MTOR: variants seen among roughly 807,000 people sequenced by gnomAD.
MTOR encodes the protein mechanistic target of rapamycin kinase, also known as serine/threonine-protein kinase mTOR.
Under a neutral mutation model 319.8 loss-of-function variants are expected in MTOR, and 70 were observed. That is an observed-to-expected ratio of 0.22 (90% confidence interval 0.18 to 0.27). The LOEUF (loss-of-function observed/expected upper bound fraction) is 0.27. MTOR is among the 10% of genes least tolerant of loss of function. The pLI, the probability that MTOR is intolerant of heterozygous loss-of-function variation, is 1.00. For missense variants in MTOR, 1,890 were observed against 3,274.4 expected (o/e 0.58, Z 10.32); for synonymous variants, 1,183 against 1,211.4 (o/e 0.98, Z 0.49).
intron 49 of MTOR, among the ~76,000 whole-genome samples, chr1:11,117,795 T>G (rs1486748531): frequency 2.0e-5 from 3 of 151,972 alleles, no homozygotes; most frequent in Non-Finnish European, 4.4e-5. Context: ...AATTTAGTGT[T>G]TAGGCTGGGC....
At position 11,234,125 on chromosome 1, in the gene MTOR, C is replaced by T. The variant is rs775942778; in HGVS notation, c.2331+18G>A. On this transcript the variant is annotated intron_variant, in intron 14 of 57. Transcript: ENST00000361445. ...TGACAACGCACAGAGAAAGCACCAG[C>T]CTCTCGGTTTGTGTTACCTTCAGAA... 1.2e-6 allele frequency: 2 copies of T among 1,614,088 alleles called. No individual in the cohort carries two copies. The highest frequency in any genetic ancestry group is 1.1e-5 in the South Asian group (1 of 91,086).
At position 11,233,408 on chromosome 1, in the gene MTOR, T is replaced by C; in HGVS notation, c.2411A>G (p.Glu804Gly). 6.2e-7 allele frequency: 1 copy of C among 1,614,000 alleles called. No homozygotes were observed. Among genetic ancestry groups the C allele is most frequent in the Non-Finnish European group, 8.5e-7 (1 of 1,179,942 alleles). ...VINNVLATIG[E>G]LAQVSGLEMR... ...TAGCTGCCCCTTTACCTGTGCCAAT[T>C]CTCCTATTGTTGCCAGGACATTATT... The change falls in exon 15 of 58, where the codon GAA (glutamate) becomes GGA (glycine). Residue 804 changes from glutamate (E) to glycine (G), a missense_variant. By Grantham distance (98) the Glu-to-Gly change is moderately conservative. Coordinates refer to ENST00000361445, the MANE Select transcript of MTOR (RefSeq NM_004958.4).
chr1:11,141,184 T>C (rs968960214), intron 34 of MTOR, among the ~76,000 whole-genome samples: 1 of 152,056 alleles, frequency 6.6e-6, no homozygotes, highest in Non-Finnish European at 1.5e-5. Flanking sequence ...GGTGCAATCA[T>C]GGCTCACTGC....
chr1:11,255,657 C>T (rs1223695471), intron 5 of MTOR, among the ~76,000 whole-genome samples: 1 of 151,880 alleles, frequency 6.6e-6, no homozygotes, highest in Non-Finnish European at 1.5e-5. Context: ...TCGAGACCAG[C>T]CTGGCCAACA....
At chr1:11,210,355 G>T (rs1646269719) in intron 24 of MTOR, among the ~76,000 whole-genome samples, 1 of 152,194 alleles carries the variant, frequency 6.6e-6, no homozygotes, top group South Asian at 2.1e-4. Flanking sequence ...TTACCATGTT[G>T]CCCAGGCTGG....
intron 13 of MTOR, among the ~76,000 whole-genome samples, chr1:11,236,604 T>C (rs1172866192): frequency 6.7e-6 from 1 of 149,154 alleles, no homozygotes; most frequent in Non-Finnish European, 1.5e-5. Context: ...ACCTCCTGGG[T>C]TCAAGCAATT....
At chr1:11,130,957 C>T in intron 38 of MTOR, 180 bp from the exon 39 acceptor site, 2 of 738,686 alleles carry the variant, frequency 2.7e-6, no homozygotes, top group Non-Finnish European at 4.3e-6. Context: ...GATCCACTCA[C>T]TTTGTGGAGC....
At chr1:11,234,098 G>C (rs1179923148) in intron 14 of MTOR, 45 bp downstream of exon 14, 6 of 1,613,498 alleles carry the variant, frequency 3.7e-6, no homozygotes, top group Non-Finnish European at 5.1e-6. Flanking sequence ...CATATGAGCT[G>C]ATGACAACGC....
intron 5 of MTOR, among the ~76,000 whole-genome samples, chr1:11,255,175 G>C (rs1329389800): frequency 6.6e-6 from 1 of 151,882 alleles, no homozygotes; most frequent in Non-Finnish European, 1.5e-5. Context: ...ATGAGGTCAA[G>C]AGATCAAGAC....
At chr1:11,189,750 C>A (rs756791575) in intron 28 of MTOR, 1 of 1,614,152 alleles carries the variant, frequency 6.2e-7, no homozygotes. Context: ...CCCAAGTTGC[C>A]AACCTTAGCA....
chr1:11,243,165 C>T lies in MTOR; in HGVS notation c.1361G>A (p.Arg454His), dbSNP rs747412972. Residue 454 changes from arginine (R) to histidine (H), a missense_variant, in exon 9 of 58, where the codon CGC (arginine) becomes CAC (histidine). Around this residue, in one of 15 missense-constraint regions of MTOR, gnomAD observed 418 missense variants for 543.1 expected, o/e 0.77. Coordinates refer to ENST00000361445, the MANE Select transcript of MTOR (RefSeq NM_004958.4). ...GGCCGCTCGGATGATGTCCAGCACGCGAGGCAAATAGACCTTAAACTCAGA... is the reference window on the plus strand; with the variant it reads ...GGCCGCTCGGATGATGTCCAGCACGTGAGGCAAATAGACCTTAAACTCAGA... ...VRSEFKVYLP[R>H]VLDIIRAALP... 6 of 1,614,082 alleles carry T rather than the reference C, an allele frequency of 3.7e-6. No individual in the cohort carries two copies. Among genetic ancestry groups the T allele is most frequent in the Middle Eastern group, 1.6e-4 (1 of 6,062 alleles).
intron 49 of MTOR, among the ~76,000 whole-genome samples, chr1:11,120,824 T>C (rs777570867): frequency 1.1e-4 from 17 of 152,128 alleles, no homozygotes; most frequent in Non-Finnish European, 2.2e-4. Context: ...TTGTTATATA[T>C]ATTTTTAAAA....
chr1:11,236,102 T>A (rs1647210198), intron 13 of MTOR, among the ~76,000 whole-genome samples: 1 of 151,928 alleles, frequency 6.6e-6, no homozygotes, highest in South Asian at 2.1e-4. Flanking sequence ...ATGAACATAT[T>A]GATATTCTCA....
chr1:11,261,209 T>A (rs999300042), intron 1 of MTOR, among the ~76,000 whole-genome samples: 2 of 151,540 alleles, frequency 1.3e-5, no homozygotes, highest in African/African-American at 4.8e-5. Context: ...AAGTAATTAG[T>A]TCCTGGCCGG....
In MTOR at chr1:11,169,418, TAAATC is replaced by T. The variant is rs201513798; in HGVS notation, c.4254-1906_4254-1902del. On this transcript the variant is annotated intron_variant, in intron 28 of 57. Transcript: ENST00000361445. ...ACAGGAATCAGGAAAGTCCCCACAG[TAAATC>T]AAGCACCTTATGCCTCTTTGTTAAG... 7.6e-3 allele frequency among the ~76,000 whole-genome samples: 1,162 copies of T among 152,308 alleles called. 16 individuals carry two copies. Among genetic ancestry groups the T allele is most frequent in the African/African-American group, 0.024 (981 of 41,570 alleles).
chr1:11,193,096 C>A (rs1645613947), intron 28 of MTOR, among the ~76,000 whole-genome samples: 1 of 152,070 alleles, frequency 6.6e-6, no homozygotes, highest in Non-Finnish European at 1.5e-5. Flanking sequence ...GCGGAACAAT[C>A]ACCTGAGGTC....
At chr1:11,253,720 CTTAT>C in intron 6 of MTOR, 115 bp downstream of exon 6, 1 of 1,139,086 alleles carries the variant, frequency 8.8e-7, no homozygotes, top group Middle Eastern at 2.9e-4. Context: ...ATCTTATTTA[CTTAT>C]TTATTATGTT....
At chr1:11,159,140 G>A (rs78044798) in intron 29 of MTOR, among the ~76,000 whole-genome samples, 1,704 of 152,202 alleles carry the variant, frequency 0.011, 33 homozygotes, top group African/African-American at 0.038. Flanking sequence ...AGATGTCTGC[G>A]GAGTCCTTGT....
chr1:11,169,523 T>A (rs1417307670), intron 28 of MTOR, among the ~76,000 whole-genome samples: 1 of 152,192 alleles, frequency 6.6e-6, no homozygotes, highest in African/African-American at 2.4e-5. Flanking sequence ...ACTGATCACA[T>A]GCTGACGTGA....
Sources: gnomAD v4.1 joint callset for allele counts (sites outside exome capture counted in the v4.1 genomes callset) on GRCh38, gnomAD v4.1.1 for gene constraint, gnomAD v4.1.1 regional missense constraint, MANE v1.5 for transcripts, NCBI Gene and HGNC (gene_info 2026-07-23, HGNC 2026-07-21) for gene names.